Variants in MBTPS1 observed in about 807,000 individuals in gnomAD.
The protein encoded by MBTPS1 is membrane bound transcription factor peptidase, site 1.
Under a neutral mutation model 127.8 loss-of-function variants are expected in MBTPS1, and 94 were observed. The observed-to-expected ratio is 0.74, with a 90% CI of 0.62 to 0.87. The LOEUF (loss-of-function observed/expected upper bound fraction) is 0.87, where lower values mean the gene tolerates loss of function less well. Among genes scored for constraint, MBTPS1 ranks in the 40% least tolerant of loss-of-function variants. The pLI, the probability that MBTPS1 is intolerant of heterozygous loss-of-function variation, is 0.00. For missense variants in MBTPS1, 1,636 were observed against 1,353.2 expected, an observed-to-expected ratio of 1.21 and a Z score of -3.28; for synonymous variants, 632 against 509.4, an observed-to-expected ratio of 1.24 and a Z score of -3.24.
At chr16:84,078,044 A>G (rs1322070464) in intron 11 of MBTPS1, among the ~76,000 whole-genome samples, 1 of 152,254 alleles carries the variant, frequency 6.6e-6, no homozygotes, top group Non-Finnish European at 1.5e-5. Context: ...CAGATTTGTA[A>G]AAATAACAAG....
Position 84,095,654 on chromosome 16 carries a change from G to C in MBTPS1, c.573C>G (p.Arg191=). ...SSRRLLRAIP[R]QVAQTLQADV... The stretch of plus-strand genomic sequence containing the variant: ...CTGCCTGCAGTGTCTGGGCAACCTG[G>C]CGCGGGATGGCTCTCAGCAGCCGTC... The change falls in exon 4 of 23, where the codon CGC becomes CGG. Residue 191 remains arginine, a synonymous_variant. Coordinates refer to ENST00000343411, the MANE Select transcript of MBTPS1 (RefSeq NM_003791.4). The C allele has an allele frequency of 6.2e-7, 1 of 1,614,206 alleles. No homozygotes were observed. Among genetic ancestry groups the C allele is most frequent in the South Asian group, 1.1e-5 (1 of 91,084 alleles).
At chr16:84,091,394 G>C (rs547615260) in intron 7 of MBTPS1, among the ~76,000 whole-genome samples, 1 of 151,116 alleles carries the variant, frequency 6.6e-6, no homozygotes, top group South Asian at 2.1e-4. Context: ...GCTGAGGCAG[G>C]AGAACCGCTT....
At chr16:84,093,390 T>C (rs1438589753) in intron 5 of MBTPS1, 93 bp from the exon 6 acceptor site, 3 of 868,294 alleles carry the variant, frequency 3.5e-6, no homozygotes, top group African/African-American at 1.6e-5. Context: ...CGGCCTTCCA[T>C]TTCCAAGTGC....
chr16:84,076,840 G>C (rs2085860771), intron 11 of MBTPS1, among the ~76,000 whole-genome samples: 1 of 152,138 alleles, frequency 6.6e-6, no homozygotes, highest in South Asian at 2.1e-4. Context: ...TTTAAAATTT[G>C]ATGCAATTGC....
At chr16:84,091,401 G>A (rs964555848) in intron 7 of MBTPS1, among the ~76,000 whole-genome samples, 2 of 149,670 alleles carry the variant, frequency 1.3e-5, no homozygotes, top group South Asian at 2.1e-4. Context: ...CAGGAGAACC[G>A]CTTGAACCTG....
intron 11 of MBTPS1, among the ~76,000 whole-genome samples, chr16:84,081,191 G>C (rs2085934967): frequency 6.6e-6 from 1 of 152,204 alleles, no homozygotes. Flanking sequence ...GAAGGACTCA[G>C]GGGTTCTCAT....
At chr16:84,091,165 G>A (rs943139530) in intron 7 of MBTPS1, among the ~76,000 whole-genome samples, 1 of 152,162 alleles carries the variant, frequency 6.6e-6, no homozygotes, top group Non-Finnish European at 1.5e-5. Flanking sequence ...TAGTCACTTT[G>A]AGGAAAACAC....
At chr16:84,069,331 AG>A (rs2085735429) in intron 14 of MBTPS1, among the ~76,000 whole-genome samples, 1 of 152,190 alleles carries the variant, frequency 6.6e-6, no homozygotes, top group Non-Finnish European at 1.5e-5. Context: ...CAGCTTCTGA[AG>A]GGCTGCATGG....
rs540371654 is a variant in MBTPS1 at position 84,070,704 on chromosome 16, A to G, written c.1666T>C (p.Trp556Arg). 4.3e-6 allele frequency: 7 copies of G among 1,614,198 alleles called. No individual in the cohort carries two copies. The highest frequency in any genetic ancestry group is 1.7e-5 in the Admixed American group (1 of 60,020). ...EVAFSYSSVL[W>R]PWSGYLAISI... ...ATGGCCAGGTAGCCCGACCAAGGCC[A>G]TAAGACCGAGGAGTAGGAGAAGGCA... Residue 556 changes from tryptophan to arginine, a missense_variant, in exon 13 of 23, where the codon TGG (tryptophan) becomes CGG (arginine). Physicochemically the swap from Trp to Arg is moderately radical, Grantham distance 101. Transcript: ENST00000343411.
In MBTPS1 at chr16:84,054,406, C is replaced by T. The variant is rs759763575; in HGVS notation, c.*43G>A. 16 of 1,525,506 alleles carry T rather than the reference C, an allele frequency of 1.0e-5. No homozygotes were observed. Among genetic ancestry groups the T allele is most frequent in the African/African-American group, 4.2e-5 (3 of 72,184 alleles). The allele number at this position is 1,525,506 out of a possible 1,614,324, so 94.5% of individuals were successfully genotyped here. A position where few individuals can be genotyped will look rare whatever the true frequency, so the allele number is the denominator to read the frequency against. On this transcript the variant is annotated 3_prime_UTR_variant, in exon 23 of 23. Coordinates refer to ENST00000343411, the MANE Select transcript of MBTPS1 (RefSeq NM_003791.4). ...GCTCGGCTCACCCACCAGCGCCGTCCGTGAAGGCTCTCTCTGGCCCTCACG... is the reference window on the plus strand; with the variant it reads ...GCTCGGCTCACCCACCAGCGCCGTCTGTGAAGGCTCTCTCTGGCCCTCACG...
At chr16:84,098,272 C>G (rs11860738) in intron 3 of MBTPS1, among the ~76,000 whole-genome samples, 42,964 of 152,040 alleles carry the variant, frequency 0.28, 6,218 homozygotes, top group African/African-American at 0.34. Context: ...GAGGCTTTGA[C>G]AAAAACAAAA....
chr16:84,092,257 C>A (rs376833489), intron 6 of MBTPS1, among the ~76,000 whole-genome samples: 8 of 152,332 alleles, frequency 5.3e-5, no homozygotes, highest in African/African-American at 1.9e-4. Context: ...CATTCCTAAA[C>A]AGACTGAAGG....
rs766202981 is a variant in MBTPS1 at position 84,093,192 on chromosome 16, T to G, written c.842A>C (p.Asn281Thr). Residue 281 changes from asparagine to threonine, a missense_variant, in exon 6 of 23, where the codon AAT becomes ACT. Coordinates refer to ENST00000343411, the MANE Select transcript of MBTPS1 (RefSeq NM_003791.4). ...AGGAGTCCTCAAAACACCTACCTGATTATTGGTAAAGACCCTGAAAATGTG... is the reference window on the plus strand; with the variant it reads ...AGGAGTCCTCAAAACACCTACCTGAGTATTGGTAAAGACCCTGAAAATGTG... ...ELHIFRVFTN[N>T]QVSYTSWFLD... The G allele has an allele frequency of 9.3e-6, 15 of 1,606,058 alleles. No individual in the cohort carries two copies. Among genetic ancestry groups the G allele is most frequent in the Admixed American group, 1.7e-5 (1 of 59,992 alleles).
intron 10 of MBTPS1, among the ~76,000 whole-genome samples, chr16:84,082,661 C>G (rs886563915): frequency 1.3e-5 from 2 of 152,144 alleles, no homozygotes; most frequent in Non-Finnish European, 2.9e-5. Flanking sequence ...GAAAACTTAA[C>G]TCTCCTAAGT....
chr16:84,101,028 C>T (rs1308964231), intron 2 of MBTPS1, among the ~76,000 whole-genome samples: 2 of 148,468 alleles, frequency 1.3e-5, no homozygotes, highest in Non-Finnish European at 3.0e-5. Flanking sequence ...AGGCCTGGCA[C>T]GATAGTTCAT....
At chr16:84,094,467 C>G (rs184695350) in intron 4 of MBTPS1, among the ~76,000 whole-genome samples, 114 of 152,168 alleles carry the variant, frequency 7.5e-4, no homozygotes, top group African/African-American at 2.6e-3. Flanking sequence ...CCATCAACAC[C>G]AATGTGAAAT....
chr16:84,098,349 G>A (rs1176578049), intron 3 of MBTPS1, among the ~76,000 whole-genome samples: 1 of 152,150 alleles, frequency 6.6e-6, no homozygotes, highest in Non-Finnish European at 1.5e-5. Context: ...AGTGACTCAC[G>A]CCTGTAATCC....
intron 3 of MBTPS1, among the ~76,000 whole-genome samples, chr16:84,096,567 G>A (rs2086182716): frequency 1.3e-5 from 2 of 152,174 alleles, no homozygotes; most frequent in Admixed American, 6.5e-5. Flanking sequence ...CAAAGACCAT[G>A]TTATAATGAA....
rs559067383 is a variant in MBTPS1 at position 84,091,082 on chromosome 16, G to A, written c.964-140C>T. ...GGCCCATTATAAAGGCGGATGTGCT[G>A]GCAACTTGCATTTTTAGAGGATACC... is the stretch of plus-strand genomic sequence containing the variant. On this transcript the variant is annotated intron_variant, in intron 7 of 22. Coordinates refer to ENST00000343411, the MANE Select transcript of MBTPS1 (RefSeq NM_003791.4). The A allele has an allele frequency of 1.0e-5, 7 of 690,962 alleles. No homozygotes were observed. In the South Asian group the frequency reaches 1.1e-4, roughly 11 times the overall value. 42.8% of individuals were successfully genotyped at this position (690,962 alleles called of 1,614,324 possible). A position where few individuals can be genotyped will look rare whatever the true frequency, so the allele number is the denominator to read the frequency against.
Sources: gnomAD v4.1 joint callset for allele counts (sites outside exome capture counted in the v4.1 genomes callset) on GRCh38, gnomAD v4.1.1 for gene constraint, MANE v1.5 for transcripts, NCBI Gene and HGNC (gene_info 2026-07-23, HGNC 2026-07-21) for gene names.